TFEC: variants seen among roughly 807,000 people sequenced by gnomAD.
The protein encoded by TFEC is class E basic helix-loop-helix protein 34.
Under a neutral mutation model 41.6 loss-of-function variants are expected in TFEC, and 31 were observed. The observed-to-expected ratio is 0.74, with a 90% CI of 0.56 to 1.01. TFEC has a LOEUF of 1.01. TFEC is among the 50% of genes least tolerant of loss of function. The pLI is 0.00. For missense variants in TFEC, 402 were observed against 404.1 expected (o/e 0.99, Z 0.04); for synonymous variants, 143 against 140.6 (o/e 1.02, Z -0.12).
chr7:116,046,135 T>C (rs1373224857), intron 3 of TFEC, among the ~76,000 whole-genome samples: 1 of 152,150 alleles, frequency 6.6e-6, no homozygotes, highest in Non-Finnish European at 1.5e-5. Flanking sequence ...CTTTGGACTG[T>C]GGGCTTTTGG....
intron 3 of TFEC, among the ~76,000 whole-genome samples, chr7:116,054,489 A>G (rs1211311426): frequency 6.6e-6 from 1 of 152,196 alleles, no homozygotes; most frequent in East Asian, 1.9e-4. Flanking sequence ...GAAGTCATCA[A>G]GACAGAACTA....
intron 1 of TFEC, among the ~76,000 whole-genome samples, chr7:116,153,146 G>C (rs1053943830): frequency 2.6e-5 from 4 of 152,176 alleles, no homozygotes; most frequent in African/African-American, 9.7e-5. Flanking sequence ...GGAAAAACTT[G>C]CAAGCAGGAA....
At chr7:116,156,452 G>T (rs901719140) in intron 1 of TFEC, among the ~76,000 whole-genome samples, 3 of 152,010 alleles carry the variant, frequency 2.0e-5, no homozygotes, top group Non-Finnish European at 4.4e-5. Flanking sequence ...ATTAGCAAAA[G>T]ACATTAAAAA....
At chr7:116,049,692 C>T (rs1332757399) in intron 3 of TFEC, among the ~76,000 whole-genome samples, 2 of 152,174 alleles carry the variant, frequency 1.3e-5, no homozygotes, top group East Asian at 1.9e-4. Context: ...CTCAGTGCCA[C>T]CTCACACTTA....
intron 3 of TFEC, among the ~76,000 whole-genome samples, chr7:116,092,246 A>C (rs536063212): frequency 4.9e-4 from 75 of 152,282 alleles, no homozygotes; most frequent in African/African-American, 1.8e-3. Flanking sequence ...GGAAAGAATA[A>C]ATGGCAGGAG....
chr7:115,985,901 T>C (rs1248742948), intron 1 of TFEC, among the ~76,000 whole-genome samples: 3 of 152,156 alleles, frequency 2.0e-5, no homozygotes, highest in Non-Finnish European at 2.9e-5. Flanking sequence ...GAAATATACA[T>C]TATGAAGAAC....
At chr7:115,969,252 C>T (rs900086516) in intron 3 of TFEC, among the ~76,000 whole-genome samples, 4 of 151,752 alleles carry the variant, frequency 2.6e-5, no homozygotes, top group Admixed American at 2.0e-4. Flanking sequence ...CATACAAAAT[C>T]CCTGTCTTCA....
Position 115,936,518 on chromosome 7 carries a change from A to G in TFEC, c.*4033T>C, listed in dbSNP as rs1266805233. 6.6e-6 allele frequency: 1 copy of G among 151,690 alleles called. No homozygotes were observed. Among genetic ancestry groups the G allele is most frequent in the Non-Finnish European group, 1.5e-5 (1 of 67,668 alleles). The allele number at this position is 151,690 out of a possible 1,614,324, so 9.4% of individuals were successfully genotyped here. A position where few individuals can be genotyped will look rare whatever the true frequency, so the allele number is the denominator to read the frequency against. On this transcript the variant is annotated 3_prime_UTR_variant, in exon 8 of 8. Transcript: ENST00000265440. ...CTAAAGTGTTTGAATAGGGTCAAAG[A>G]CATTGTAAAAAAATTTGGAACACTT...
intron 3 of TFEC, among the ~76,000 whole-genome samples, chr7:116,070,101 A>C (rs1796790637): frequency 6.6e-6 from 1 of 151,374 alleles, no homozygotes; most frequent in African/African-American, 2.4e-5. Context: ...ATGCATATAC[A>C]AAGCAATATA....
chr7:116,056,209 G>A (rs557517718), intron 3 of TFEC, among the ~76,000 whole-genome samples: 3 of 151,920 alleles, frequency 2.0e-5, no homozygotes, highest in Admixed American at 1.3e-4. Flanking sequence ...AGAAAGAAAA[G>A]GTAAGCTCGA....
intron 1 of TFEC, among the ~76,000 whole-genome samples, chr7:116,158,226 T>G (rs1798907490): frequency 6.6e-6 from 1 of 152,148 alleles, no homozygotes; most frequent in Admixed American, 6.6e-5. Context: ...TTCAGTATAA[T>G]GCTATGAAAG....
intron 1 of TFEC, among the ~76,000 whole-genome samples, chr7:116,116,517 A>G (rs1452729479): frequency 6.6e-6 from 1 of 151,968 alleles, no homozygotes; most frequent in Non-Finnish European, 1.5e-5. Flanking sequence ...TGAAATGTTC[A>G]AGCACAAGCT....
intron 2 of TFEC, 50 bp from the exon 3 acceptor site, chr7:115,974,306 T>A: frequency 7.3e-7 from 1 of 1,375,604 alleles, no homozygotes. Context: ...ATAAAAGTTG[T>A]GCTTCAGTCT....
intron 4 of TFEC, among the ~76,000 whole-genome samples, chr7:115,956,433 AT>A (rs1177341647): frequency 6.7e-6 from 1 of 150,238 alleles, no homozygotes; most frequent in Non-Finnish European, 1.5e-5. Flanking sequence ...ATACATGTAT[AT>A]ATGTATGTAA....
chr7:116,073,917 C>G (rs192072029), intron 3 of TFEC, among the ~76,000 whole-genome samples: 44 of 151,936 alleles, frequency 2.9e-4, no homozygotes, highest in African/African-American at 9.2e-4. Flanking sequence ...TAAACCCTTA[C>G]ATTTATGGTC....
At chr7:116,136,773 TAA>T (rs1341538636) in intron 1 of TFEC, among the ~76,000 whole-genome samples, 3 of 151,944 alleles carry the variant, frequency 2.0e-5, no homozygotes, top group Non-Finnish European at 4.4e-5. Flanking sequence ...AGAAATGAAA[TAA>T]GAGAAAGGTG....
rs1793406331 is a variant in TFEC at position 115,940,001 on chromosome 7, A to G, written c.*550T>C. On this transcript the variant is annotated 3_prime_UTR_variant, in exon 8 of 8. Coordinates refer to ENST00000265440, the MANE Select transcript of TFEC (RefSeq NM_012252.4). ...TGGAAAATTCTCACATTTATTGTAGATTTGCCTTTCAACCACAAGTGACAG... is the reference window on the plus strand; with the variant it reads ...TGGAAAATTCTCACATTTATTGTAGGTTTGCCTTTCAACCACAAGTGACAG... The G allele has an allele frequency of 6.6e-6, 1 of 152,048 alleles. No homozygotes were observed. The highest frequency in any genetic ancestry group is 6.6e-5 in the Admixed American group (1 of 15,232). The allele number at this position is 152,048 out of a possible 1,614,324, so 9.4% of individuals were successfully genotyped here.
At chr7:116,047,171 C>T (rs1026669390) in intron 3 of TFEC, among the ~76,000 whole-genome samples, 1 of 152,184 alleles carries the variant, frequency 6.6e-6, no homozygotes, top group African/African-American at 2.4e-5. Flanking sequence ...GCTTGTCAGA[C>T]AGTGGGTGTA....
intron 1 of TFEC, among the ~76,000 whole-genome samples, chr7:115,994,423 T>C (rs980181636): frequency 2.6e-5 from 4 of 152,186 alleles, no homozygotes; most frequent in African/African-American, 9.7e-5. Context: ...ACAGGCAACC[T>C]ACAGAATGGG....
Sources: gnomAD v4.1 joint callset for allele counts (sites outside exome capture counted in the v4.1 genomes callset) on GRCh38, gnomAD v4.1.1 for gene constraint, MANE v1.5 for transcripts, NCBI Gene and HGNC (gene_info 2026-07-23, HGNC 2026-07-21) for gene names.